Variants in PTPRN2 observed in about 807,000 individuals in gnomAD.
PTPRN2 encodes receptor-type tyrosine-protein phosphatase N2.
A neutral mutation model predicts 118.8 loss-of-function variants in PTPRN2; 74 were observed. The observed-to-expected ratio is 0.62, with a 90% CI of 0.52 to 0.76. The LOEUF (loss-of-function observed/expected upper bound fraction) is 0.76, where lower values mean the gene tolerates loss of function less well. Among genes scored for constraint, PTPRN2 ranks in the 30% least tolerant of loss-of-function variants. The pLI is 0.00. For synonymous variants in PTPRN2, 641 were observed against 608.0 expected, an observed-to-expected ratio of 1.05 and a Z score of -0.80; for missense variants, 1,481 against 1,394.4, an observed-to-expected ratio of 1.06 and a Z score of -0.99.
chr7:158,515,031 C>G (rs903055422), intron 1 of PTPRN2, among the ~76,000 whole-genome samples: 2 of 152,144 alleles, frequency 1.3e-5, no homozygotes, highest in Admixed American at 1.3e-4. Context: ...CTAATTTGTG[C>G]CGAACATTTA....
intron 10 of PTPRN2, among the ~76,000 whole-genome samples, chr7:158,110,494 A>G (rs3800862): frequency 0.95 from 144,300 of 152,244 alleles, 68,495 homozygotes; most frequent in Non-Finnish European, 0.97. Context: ...TGAACGCTGC[A>G]CAGTGTTCTC....
In PTPRN2 at chr7:158,015,621, G is replaced by A. The variant is rs73169761; in HGVS notation, c.1723+65677C>T. ...AGCCCTTTCTCTTTACTCACCAGCAGTTCATATTGTTAATTTTTAACTAAA... is the reference window on the plus strand; with the variant it reads ...AGCCCTTTCTCTTTACTCACCAGCAATTCATATTGTTAATTTTTAACTAAA... On this transcript the variant is annotated intron_variant, in intron 11 of 22. Transcript: ENST00000389418. This position sits in a 1 kb window ranked among gnomAD's most constrained non-coding sequence, Gnocchi z 4.2. Among the ~76,000 whole-genome samples the A allele has an allele frequency of 0.049, 7,435 of 152,128 alleles. 244 individuals carry two copies. The highest frequency in any genetic ancestry group is 0.082 in the Admixed American group (1,260 of 15,282).
intron 4 of PTPRN2, among the ~76,000 whole-genome samples, chr7:158,203,281 AAGGAAGGAAGGG>A (rs1361648241): frequency 1.3e-5 from 2 of 150,718 alleles, no homozygotes; most frequent in Non-Finnish European, 1.5e-5. Context: ...AAGAAAAAGG[AAGGAAGGAAGGG>A]AGGAAGGAAG....
chr7:157,825,189 C>T (rs1320393523), intron 12 of PTPRN2, among the ~76,000 whole-genome samples: 5 of 152,314 alleles, frequency 3.3e-5, no homozygotes, highest in South Asian at 2.1e-4. Flanking sequence ...CAAGGCAACC[C>T]AAGTGAGAGT....
At chr7:157,725,157 G>GT (rs1799459811) in intron 12 of PTPRN2, among the ~76,000 whole-genome samples, 88 of 147,746 alleles carry the variant, frequency 6.0e-4, no homozygotes, top group Middle Eastern at 3.6e-3. Context: ...GCAGAGGAGT[G>GT]AGCCAGACCC....
intron 12 of PTPRN2, among the ~76,000 whole-genome samples, chr7:157,858,151 C>CCAGCT (rs1563179213): frequency 0.012 from 293 of 24,912 alleles, 8 homozygotes; most frequent in Middle Eastern, 0.017. Flanking sequence ...AGAGCCCCGT[C>CCAGCT]ACCACCCACA....
In PTPRN2 at chr7:157,874,887, A is replaced by G. The variant is rs1054359628; in HGVS notation, c.1788+23786T>C. On this transcript the variant is annotated intron_variant, in intron 12 of 22. Transcript: ENST00000389418. The surrounding 1 kb of genome is among the most constrained non-coding windows in gnomAD (Gnocchi z 5.8). ...CACTCGTGCACATACACACACGGAGACACACTCGTGCACATACACACACAC... is the reference window on the plus strand; with the variant it reads ...CACTCGTGCACATACACACACGGAGGCACACTCGTGCACATACACACACAC... Among the ~76,000 whole-genome samples the G allele has an allele frequency of 6.6e-6, 1 of 151,978 alleles. No homozygotes were observed. The highest frequency in any genetic ancestry group is 1.5e-5 in the Non-Finnish European group (1 of 68,002).
chr7:157,677,437 T>C (rs184391896), intron 13 of PTPRN2, among the ~76,000 whole-genome samples: 1 of 152,330 alleles, frequency 6.6e-6, no homozygotes, highest in Admixed American at 6.5e-5. Context: ...CGAGACTTCA[T>C]TGTTCTCTGA....
At chr7:157,993,803 C>A (rs1222064776) in intron 11 of PTPRN2, among the ~76,000 whole-genome samples, 1 of 152,160 alleles carries the variant, frequency 6.6e-6, no homozygotes, top group Non-Finnish European at 1.5e-5. Context: ...TTGAAGGCCT[C>A]TCTGGAGAGC....
chr7:158,407,955 C>T (rs758861070), intron 2 of PTPRN2, among the ~76,000 whole-genome samples: 6 of 152,206 alleles, frequency 3.9e-5, no homozygotes, highest in Non-Finnish European at 8.8e-5. Flanking sequence ...CCCTTAAAGT[C>T]CCTCCTCATC....
chr7:158,289,817 C>T (rs184647688), intron 3 of PTPRN2, among the ~76,000 whole-genome samples: 46 of 152,296 alleles, frequency 3.0e-4, no homozygotes, highest in East Asian at 2.3e-3. Context: ...AGAATGGCTT[C>T]GCCTGGGTAA....
intron 12 of PTPRN2, among the ~76,000 whole-genome samples, chr7:157,783,250 A>T (rs1803793846): frequency 6.6e-6 from 1 of 152,048 alleles, no homozygotes; most frequent in Non-Finnish European, 1.5e-5. Context: ...CTTTATTAGC[A>T]GCGTGAGAAC....
At chr7:158,441,919 G>A in intron 2 of PTPRN2, among the ~76,000 whole-genome samples, 2 of 129,838 alleles carry the variant, frequency 1.5e-5, no homozygotes, top group East Asian at 2.6e-4. Flanking sequence ...TGGTGATGGT[G>A]ATAGTGATGG....
At chr7:157,578,618 C>G (rs1800183143) in intron 17 of PTPRN2, among the ~76,000 whole-genome samples, 1 of 152,228 alleles carries the variant, frequency 6.6e-6, no homozygotes, top group Non-Finnish European at 1.5e-5. Flanking sequence ...CAGTACTGCA[C>G]TGCTGCAATT....
chr7:157,691,185 GC>G (rs942492010), intron 12 of PTPRN2, among the ~76,000 whole-genome samples: 7 of 149,192 alleles, frequency 4.7e-5, no homozygotes, highest in Admixed American at 6.7e-5. Flanking sequence ...TTGGTACAAC[GC>G]CGAAGCCAGG....
intron 13 of PTPRN2, among the ~76,000 whole-genome samples, chr7:157,659,344 C>T (rs1274086860): frequency 1.3e-4 from 7 of 55,394 alleles, no homozygotes; most frequent in Admixed American, 1.2e-3. Context: ...GGGACGACTG[C>T]GGGGATGGGG....
chr7:158,556,532 G>T (rs546381918), intron 1 of PTPRN2, among the ~76,000 whole-genome samples: 7 of 148,730 alleles, frequency 4.7e-5, no homozygotes, highest in African/African-American at 1.0e-4. Context: ...CAGCCTGGGC[G>T]ACAGAGCAAA....
chr7:158,007,448 AGT>A (rs1439577818), intron 11 of PTPRN2, among the ~76,000 whole-genome samples: 1 of 152,102 alleles, frequency 6.6e-6, no homozygotes, highest in Admixed American at 6.6e-5. Context: ...ACAAGGGGAG[AGT>A]GATCACAGGG....
chr7:158,095,698 A>G (rs1309411745), intron 10 of PTPRN2, among the ~76,000 whole-genome samples: 1 of 152,198 alleles, frequency 6.6e-6, no homozygotes, highest in South Asian at 2.1e-4. Flanking sequence ...TGATTGAGCA[A>G]TACAGACTGA....
Sources: allele counts gnomAD v4.1 joint callset (sites outside exome capture counted in the v4.1 genomes callset), GRCh38; gene constraint gnomAD v4.1.1; non-coding constraint Gnocchi (gnomAD v3.1); transcripts MANE v1.5; gene names NCBI Gene and HGNC (gene_info 2026-07-23, HGNC 2026-07-21).